The following ADAM11 variants were observed in gnomAD, a reference collection of about 807,000 sequenced individuals.
The protein encoded by ADAM11 is ADAM metallopeptidase domain 11.
In ADAM11, 49 loss-of-function variants were observed where a neutral mutation model predicts 119.1. The ratio of observed to expected loss-of-function variants is 0.41; its 90% CI spans 0.33 to 0.52. The LOEUF (loss-of-function observed/expected upper bound fraction) is 0.52. ADAM11 is among the 20% of genes least tolerant of loss of function. The pLI is 0.20. For missense variants in ADAM11, 777 were observed against 1,047.5 expected (o/e 0.74, Z 3.56); for synonymous variants, 364 against 408.0 (o/e 0.89, Z 1.30).
At chr17:44,771,467 C>G (rs1454436924) in intron 4 of ADAM11, 117 bp from the exon 5 acceptor site, 47 of 1,048,998 alleles carry the variant, frequency 4.5e-5, no homozygotes, top group Non-Finnish European at 6.6e-5. Context: ...CCAGGCATAC[C>G]CAGGGATTGT....
intron 26 of ADAM11, 68 bp downstream of exon 26, chr17:44,779,307 C>T (rs1303766791): frequency 2.0e-6 from 3 of 1,522,434 alleles, no homozygotes; most frequent in African/African-American, 1.4e-5. Flanking sequence ...TCCTTGTCTC[C>T]TCCATCTCAT....
Position 44,775,704 on chromosome 17 carries a change from C to T in ADAM11, c.1485+28C>T, listed in dbSNP as rs752953553. 9 of 1,552,244 alleles carry T rather than the reference C, an allele frequency of 5.8e-6. No homozygotes were observed. Among genetic ancestry groups the T allele is most frequent in the Middle Eastern group, 1.8e-4 (1 of 5,416 alleles). On this transcript the variant is annotated intron_variant, in intron 17 of 26. Transcript: ENST00000200557. The surrounding 1 kb of genome is among the most constrained non-coding windows in gnomAD (Gnocchi z 7.5). ...AAGCAGGACCGGCCGGGAGGCGGGG[C>T]CAGGACGCAGGAGGAGCGATTGGAG... is the stretch of plus-strand genomic sequence containing the variant.
Position 44,766,576 on chromosome 17 carries a change from C to T in ADAM11, c.238-3142C>T, listed in dbSNP as rs547161647. On this transcript the variant is annotated intron_variant, in intron 2 of 26. Coordinates refer to ENST00000200557, the MANE Select transcript of ADAM11 (RefSeq NM_002390.6). ...GCTGCTGTGGCGACACGAACTCCAG[C>T]CCCAGGGTGAGATCCAGCCCCACAC... Among the ~76,000 whole-genome samples the T allele has an allele frequency of 3.9e-4, 59 of 152,318 alleles. 1 individual carries two copies. Among genetic ancestry groups the T allele is most frequent in the African/African-American group, 1.4e-3 (59 of 41,564 alleles).
At position 44,773,247 on chromosome 17, in the gene ADAM11, C is replaced by T. The variant is rs1220542491; in HGVS notation, c.826-14C>T. On this transcript the variant is annotated splice_polypyrimidine_tract_variant and intron_variant, in intron 10 of 26. Transcript: ENST00000200557. The surrounding 1 kb of genome is among the most constrained non-coding windows in gnomAD (Gnocchi z 4.6). ...ACCCACTCCCACCCTCCAGCCCCCT[C>T]ATCTTCTCCCCAGATATACAAGGAG... 1 of 1,612,202 alleles carries T rather than the reference C, an allele frequency of 6.2e-7. No homozygotes were observed. The highest frequency in any genetic ancestry group is 2.2e-5 in the East Asian group (1 of 44,838).
intron 2 of ADAM11, among the ~76,000 whole-genome samples, chr17:44,764,310 G>T (rs1037083263): frequency 6.6e-6 from 1 of 152,228 alleles, no homozygotes; most frequent in East Asian, 1.9e-4. Flanking sequence ...TTGTGTTTTC[G>T]TCCTGCAGAA....
chr17:44,772,551 C>A lies in ADAM11; in HGVS notation c.678+85C>A, dbSNP rs915491925. The A allele has an allele frequency of 1.1e-5, 16 of 1,472,826 alleles. No homozygotes were observed. The Admixed American group carries it at 3.4e-4, about 31-fold the overall frequency. The allele number at this position is 1,472,826 out of a possible 1,614,324, so 91.2% of individuals were successfully genotyped here. On this transcript the variant is annotated intron_variant, in intron 8 of 26. Coordinates refer to ENST00000200557, the MANE Select transcript of ADAM11 (RefSeq NM_002390.6). The surrounding 1 kb of genome is among the most constrained non-coding windows in gnomAD (Gnocchi z 4.5). ...GCCGTGGCCCAGAGCAGGAGGGCAC[C>A]CTCATCTATGGCTGGGGCGAAGGAA...
Position 44,772,197 on chromosome 17 carries a change from C to A in ADAM11, c.544-70C>A. ...GGTGGGGTGGAGGCGAGGGCTGGAT[C>A]TGGCCCCCGCCAAGTGGGCCTGGAG... On this transcript the variant is annotated intron_variant, in intron 6 of 26. Transcript: ENST00000200557. The surrounding 1 kb of genome is among the most constrained non-coding windows in gnomAD (Gnocchi z 4.5). 1 of 1,442,498 alleles carries A rather than the reference C, an allele frequency of 6.9e-7. No homozygotes were observed. Among genetic ancestry groups the A allele is most frequent in the Non-Finnish European group, 9.5e-7 (1 of 1,048,398 alleles). The allele number at this position is 1,442,498 out of a possible 1,614,324, so 89.4% of individuals were successfully genotyped here. A position where few individuals can be genotyped will look rare whatever the true frequency, so the allele number is the denominator to read the frequency against.
chr17:44,777,839 G>A lies in ADAM11; in HGVS notation c.2046G>A (p.Glu682=), dbSNP rs916562677. The A allele has an allele frequency of 4.8e-5, 78 of 1,613,558 alleles. No homozygotes were observed. The highest frequency in any genetic ancestry group is 5.9e-5 in the Non-Finnish European group (70 of 1,180,014). Residue 682 remains glutamate, a synonymous_variant, in exon 23 of 27, where the codon GAG becomes GAA. Coordinates refer to ENST00000200557, the MANE Select transcript of ADAM11 (RefSeq NM_002390.6). This position sits in a 1 kb window ranked among gnomAD's most constrained non-coding sequence, Gnocchi z 5.1. ...TCAGCACCTGCCCCGGCAGTGGGGA[G>A]CGCCGGATTTGCTCCCACCACGGGG... The part of the protein sequence containing the change: ...FNFSTCPGSG[E]RRICSHHGVC...
At position 44,771,774 on chromosome 17, in the gene ADAM11, G is replaced by T. The variant is rs750977685; in HGVS notation, c.486G>T (p.Gly162=). 1 of 1,613,762 alleles carries T rather than the reference G, an allele frequency of 6.2e-7. No homozygotes were observed. The highest frequency in any genetic ancestry group is 2.2e-5 in the East Asian group (1 of 44,862). Residue 162 remains glycine (G), a synonymous_variant, in exon 6 of 27, where the codon GGG becomes GGT. Coordinates refer to ENST00000200557, the MANE Select transcript of ADAM11 (RefSeq NM_002390.6). The part of the protein sequence containing the change: ...CQGLHGVFSD[G]NLTYIVEPQE... ...TCCACAGTGGGGTCTTCTCTGATGGGAACTTGACTTACATCGTGGAGCCCC... is the reference window on the plus strand; with the variant it reads ...TCCACAGTGGGGTCTTCTCTGATGGTAACTTGACTTACATCGTGGAGCCCC...
rs1290910444 is a variant in ADAM11 at position 44,773,130 on chromosome 17, C to G, written c.825+45C>G. 3.1e-6 allele frequency: 5 copies of G among 1,592,792 alleles called. No homozygotes were observed. Among genetic ancestry groups the G allele is most frequent in the Admixed American group, 1.7e-5 (1 of 59,844 alleles). On this transcript the variant is annotated intron_variant, in intron 10 of 26. Coordinates refer to ENST00000200557, the MANE Select transcript of ADAM11 (RefSeq NM_002390.6). This position sits in a 1 kb window ranked among gnomAD's most constrained non-coding sequence, Gnocchi z 4.6. ...TCCCTTCCCTCCTCCTCATGCCCCC[C>G]ACCCCACCACACACATTAGGGGGCA...
At chr17:44,778,321 C>A in intron 25 of ADAM11, 79 bp downstream of exon 25, 1 of 1,425,148 alleles carries the variant, frequency 7.0e-7, no homozygotes, top group Non-Finnish European at 9.5e-7. Flanking sequence ...CTGAGGGGGC[C>A]CTCCCTGAAA....
chr17:44,776,868 A>G lies in ADAM11; in HGVS notation c.1618-31A>G, dbSNP rs541731350. The G allele has an allele frequency of 1.5e-5, 25 of 1,613,002 alleles. No individual in the cohort carries two copies. The highest frequency in any genetic ancestry group is 2.1e-5 in the Non-Finnish European group (25 of 1,179,210). On this transcript the variant is annotated intron_variant, in intron 19 of 26. Coordinates refer to ENST00000200557, the MANE Select transcript of ADAM11 (RefSeq NM_002390.6). The surrounding 1 kb of genome is among the most constrained non-coding windows in gnomAD (Gnocchi z 5.2). ...TCCACTCTGACCACTCAGCATCTCC[A>G]TCCCTTGCCTCTTAATTCTTGGACT...
intron 2 of ADAM11, among the ~76,000 whole-genome samples, chr17:44,768,696 G>A (rs749262057): frequency 1.1e-4 from 17 of 152,226 alleles, no homozygotes; most frequent in Non-Finnish European, 2.1e-4. Context: ...GGAGGAAGCC[G>A]ACAAGGCACA....
intron 26 of ADAM11, 21 bp downstream of exon 26, chr17:44,779,260 G>A: frequency 6.4e-7 from 1 of 1,569,340 alleles, no homozygotes; most frequent in East Asian, 2.5e-5. Flanking sequence ...ACCCAGCAGG[G>A]GGCAGTGTGA....
In ADAM11 at chr17:44,780,506, G is replaced by A. The variant is rs750512465; in HGVS notation, c.*752G>A. ...ACATGTCCCAGATCGTCTCCAATTC[G>A]AAAACAACCGTCCTGCTGTCCCTGT... is the stretch of plus-strand genomic sequence containing the variant. On this transcript the variant is annotated 3_prime_UTR_variant, in exon 27 of 27. Coordinates refer to ENST00000200557, the MANE Select transcript of ADAM11 (RefSeq NM_002390.6). 4.8e-5 allele frequency: 12 copies of A among 250,382 alleles called. No individual in the cohort carries two copies. The highest frequency in any genetic ancestry group is 1.6e-4 in the East Asian group (1 of 6,102). The allele number at this position is 250,382 out of a possible 1,614,324, so 15.5% of individuals were successfully genotyped here. A position where few individuals can be genotyped will look rare whatever the true frequency, so the allele number is the denominator to read the frequency against.
intron 4 of ADAM11, 75 bp from the exon 5 acceptor site, chr17:44,771,509 C>T (rs1305354481): frequency 1.4e-6 from 2 of 1,445,502 alleles, no homozygotes; most frequent in Middle Eastern, 2.4e-4. Context: ...CTTCAGTGTC[C>T]CCCAAAAAGC....
intron 2 of ADAM11, among the ~76,000 whole-genome samples, chr17:44,767,257 G>A (rs538944937): frequency 6.7e-6 from 1 of 149,794 alleles, no homozygotes; most frequent in Middle Eastern, 3.5e-3. Flanking sequence ...TCGGGAGGCT[G>A]AGGCAGAGAA....
rs1358479183 is a variant in ADAM11 at position 44,775,059 on chromosome 17, C to T, written c.1221-153C>T. Reference sequence around the variant, plus strand: ...GCGGAGGGGATGGGAGCGACAGGGACAGGCGGGAGGATTCTGGTGCAATCC... The same window carrying T: ...GCGGAGGGGATGGGAGCGACAGGGATAGGCGGGAGGATTCTGGTGCAATCC... On this transcript the variant is annotated intron_variant, in intron 14 of 26. Transcript: ENST00000200557. This position sits in a 1 kb window ranked among gnomAD's most constrained non-coding sequence, Gnocchi z 7.5. Among the ~76,000 whole-genome samples the T allele has an allele frequency of 6.6e-6, 1 of 152,208 alleles. No individual in the cohort carries two copies. The highest frequency in any genetic ancestry group is 1.5e-5 in the Non-Finnish European group (1 of 68,038).
At chr17:44,768,829 A>G (rs2049482938) in intron 2 of ADAM11, among the ~76,000 whole-genome samples, 1 of 152,108 alleles carries the variant, frequency 6.6e-6, no homozygotes, top group Admixed American at 6.5e-5. Context: ...GGTGACCCTC[A>G]TGTTGGGGTC....
Sources: gnomAD v4.1 joint callset for allele counts (sites outside exome capture counted in the v4.1 genomes callset) on GRCh38, gnomAD v4.1.1 for gene constraint, Gnocchi (gnomAD v3.1) non-coding constraint, MANE v1.5 for transcripts, NCBI Gene and HGNC (gene_info 2026-07-23, HGNC 2026-07-21) for gene names.